Variants in ROBO1 observed in about 807,000 individuals in gnomAD.
ROBO1 encodes roundabout homolog 1.
A neutral mutation model predicts 195.9 loss-of-function variants in ROBO1; 149 were observed. The ratio of observed to expected loss-of-function variants is 0.76; its 90% CI spans 0.67 to 0.87. ROBO1 has a LOEUF of 0.87. ROBO1 is among the 40% of genes least tolerant of loss of function. ROBO1 has a pLI of 0.00. For missense variants in ROBO1, 1,933 were observed against 2,068.3 expected (o/e 0.93, Z 1.27); for synonymous variants, 816 against 733.2 (o/e 1.11, Z -1.82).
chr3:78,911,602 G>A (rs956017125), intron 4 of ROBO1, among the ~76,000 whole-genome samples: 2 of 152,014 alleles, frequency 1.3e-5, no homozygotes, highest in Non-Finnish European at 2.9e-5. Context: ...TGATCCTACT[G>A]AGTAAGGTGT....
At chr3:78,608,455 A>G (rs1703597329) in intron 28 of ROBO1, among the ~76,000 whole-genome samples, 1 of 152,230 alleles carries the variant, frequency 6.6e-6, no homozygotes, top group African/African-American at 2.4e-5. Flanking sequence ...GAAAGTAGTC[A>G]TAAAATTTGA....
At chr3:79,743,036 C>G (rs1437914473) in intron 1 of ROBO1, among the ~76,000 whole-genome samples, 1 of 152,218 alleles carries the variant, frequency 6.6e-6, no homozygotes, top group African/African-American at 2.4e-5. Flanking sequence ...AAAGTAACTT[C>G]CTCTTTCTGA....
intron 1 of ROBO1, among the ~76,000 whole-genome samples, chr3:79,759,902 A>C (rs1234589567): frequency 2.0e-5 from 3 of 152,106 alleles, no homozygotes; most frequent in Admixed American, 2.0e-4. Flanking sequence ...CACATAAAAC[A>C]AAAAATCAAT....
chr3:79,140,090 C>A (rs1402423836), intron 2 of ROBO1, among the ~76,000 whole-genome samples: 2 of 151,982 alleles, frequency 1.3e-5, no homozygotes, highest in East Asian at 3.9e-4. Context: ...GTTTGAGGTA[C>A]GATGATCACA....
At chr3:79,208,629 T>C (rs1006666651) in intron 2 of ROBO1, among the ~76,000 whole-genome samples, 1 of 152,024 alleles carries the variant, frequency 6.6e-6, no homozygotes, top group Non-Finnish European at 1.5e-5. Context: ...AAAGTGAACA[T>C]GTAAGCAAGG....
intron 10 of ROBO1, among the ~76,000 whole-genome samples, chr3:78,673,808 C>T (rs981353366): frequency 1.3e-5 from 2 of 151,178 alleles, no homozygotes; most frequent in Non-Finnish European, 3.0e-5. Flanking sequence ...ACAGAATATA[C>T]ACACATTGAT....
chr3:79,478,632 T>C lies in ROBO1; in HGVS notation c.88+111192A>G, dbSNP rs191568513. Among the ~76,000 whole-genome samples, 905 of 152,292 alleles carry C rather than the reference T, an allele frequency of 5.9e-3. 5 individuals are homozygous for C. The highest frequency in any genetic ancestry group is 0.01 in the Non-Finnish European group (704 of 68,020). On this transcript the variant is annotated intron_variant, in intron 2 of 30. Transcript: ENST00000464233. ...GTAATGTGTACTTCCAGTTTCTGCC[T>C]TTTTATTTTACTCATTTTTCTTCCC...
In ROBO1 at chr3:78,668,295, T is replaced by C. The variant is rs750499682; in HGVS notation, c.1638A>G (p.Gly546=). ...TAGGTCTTGGAGGCTGAACTGGAAC[T>C]CCAAATTCTAAAAAGCAGGAAAAAG... ...WSAYIEVQEF[G]VPVQPPRPTD... The change falls in exon 13 of 31, where the codon GGA becomes GGG. Residue 546 remains glycine (G), a synonymous_variant. Transcript: ENST00000464233. The C allele has an allele frequency of 2.5e-6, 4 of 1,612,130 alleles. No individual in the cohort carries two copies. The highest frequency in any genetic ancestry group is 3.4e-6 in the Non-Finnish European group (4 of 1,179,284).
intron 4 of ROBO1, among the ~76,000 whole-genome samples, chr3:78,819,080 G>A (rs1476026806): frequency 6.6e-6 from 1 of 152,058 alleles, no homozygotes; most frequent in Non-Finnish European, 1.5e-5. Flanking sequence ...GGAACATATC[G>A]CCCCGTGGAC....
intron 2 of ROBO1, among the ~76,000 whole-genome samples, chr3:79,587,148 A>G (rs1439625990): frequency 6.6e-6 from 1 of 151,814 alleles, no homozygotes; most frequent in Non-Finnish European, 1.5e-5. Context: ...CTTCTCATAT[A>G]CCAACCATTT....
At chr3:79,447,932 T>A (rs546531049) in intron 2 of ROBO1, among the ~76,000 whole-genome samples, 39 of 152,274 alleles carry the variant, frequency 2.6e-4, no homozygotes, top group African/African-American at 9.4e-4. Flanking sequence ...CTAACTCACT[T>A]CTACTACTGC....
chr3:78,701,011 G>A (rs181243395), intron 8 of ROBO1, among the ~76,000 whole-genome samples: 525 of 152,216 alleles, frequency 3.4e-3, no homozygotes, highest in Non-Finnish European at 6.1e-3. Context: ...TGATCCACCC[G>A]CCTCAGCCTC....
At chr3:79,112,416 G>A (rs1310189371) in intron 3 of ROBO1, among the ~76,000 whole-genome samples, 3 of 152,156 alleles carry the variant, frequency 2.0e-5, no homozygotes, top group Non-Finnish European at 4.4e-5. Flanking sequence ...CTTGATTTCA[G>A]GAGGGATGAC....
At chr3:78,916,721 G>A (rs1287552639) in intron 4 of ROBO1, among the ~76,000 whole-genome samples, 2 of 151,926 alleles carry the variant, frequency 1.3e-5, no homozygotes, top group African/African-American at 2.4e-5. Flanking sequence ...ATAATCATTC[G>A]ATTTACATTC....
chr3:78,975,451 G>A (rs1311619313), intron 3 of ROBO1, among the ~76,000 whole-genome samples: 9 of 152,054 alleles, frequency 5.9e-5, no homozygotes, highest in Non-Finnish European at 8.8e-5. Flanking sequence ...GGGCACAGTG[G>A]ATAAAAAGAA....
Position 79,243,660 on chromosome 3 carries a change from C to T in ROBO1, c.89-118121G>A, listed in dbSNP as rs1349813870. ...TTGAGAAGTGTCTGTTCATATCCTT[C>T]GCCCACTTTTTGATGGGGTTGTTTT... On this transcript the variant is annotated intron_variant, in intron 2 of 30. Transcript: ENST00000464233. 2.5e-3 allele frequency among the ~76,000 whole-genome samples: 376 copies of T among 152,092 alleles called. 1 individual carries two copies. The highest frequency in any genetic ancestry group is 7.3e-3 in the African/African-American group (304 of 41,510).
chr3:78,847,512 T>TA (rs989904531), intron 4 of ROBO1, among the ~76,000 whole-genome samples: 58 of 152,142 alleles, frequency 3.8e-4, no homozygotes, highest in Non-Finnish European at 7.1e-4. Context: ...AGGGAAGCTA[T>TA]GCCAAAATAT....
At chr3:79,371,480 C>T (rs2036191079) in intron 2 of ROBO1, among the ~76,000 whole-genome samples, 2 of 151,650 alleles carry the variant, frequency 1.3e-5, no homozygotes, top group Non-Finnish European at 1.5e-5. Context: ...AAGTGATGCA[C>T]AACAGAAACA....
At chr3:79,365,896 CA>C (rs5850423) in intron 2 of ROBO1, among the ~76,000 whole-genome samples, 3,572 of 126,394 alleles carry the variant, frequency 0.028, 140 homozygotes, top group African/African-American at 0.094. Flanking sequence ...GACTCCGTCT[CA>C]AAAAAAAAAA....
Sources: gnomAD v4.1 joint callset for allele counts (sites outside exome capture counted in the v4.1 genomes callset) on GRCh38, gnomAD v4.1.1 for gene constraint, MANE v1.5 for transcripts, NCBI Gene and HGNC (gene_info 2026-07-23, HGNC 2026-07-21) for gene names.